TRIM49B: variants seen among roughly 807,000 people sequenced by gnomAD.
TRIM49B encodes tripartite motif containing 49B, also known as putative tripartite motif-containing protein 49B.
In TRIM49B, 18 loss-of-function variants were observed where a neutral mutation model predicts 31.8. The ratio of observed to expected loss-of-function variants is 0.57; its 90% CI spans 0.39 to 0.84. The LOEUF is 0.84. Among genes scored for constraint, TRIM49B ranks in the 40% least tolerant of loss-of-function variants. The pLI, the probability that TRIM49B is intolerant of heterozygous loss-of-function variation, is 0.00. For synonymous variants in TRIM49B, 196 were observed against 180.6 expected (o/e 1.09, Z -0.68); for missense variants, 494 against 538.7 (o/e 0.92, Z 0.82).
At chr11:49,032,059 C>T in intron 2 of TRIM49B, 49 bp downstream of exon 2, 1 of 1,611,278 alleles carries the variant, frequency 6.2e-7, no homozygotes, top group Non-Finnish European at 8.5e-7. Context: ...ACATAAAATT[C>T]CTGTGGGTCT....
At position 49,031,797 on chromosome 11, in the gene TRIM49B, C is replaced by G. The variant is rs143516229; in HGVS notation, c.198C>G (p.Thr66=). 1.2e-6 allele frequency: 2 copies of G among 1,613,958 alleles called. No individual in the cohort carries two copies. The highest frequency in any genetic ancestry group is 1.7e-6 in the Non-Finnish European group (2 of 1,179,868). Residue 66 remains threonine (T), a synonymous_variant, in exon 2 of 7, where the codon ACC becomes ACG. Transcript: ENST00000332682. ...TKSTGQINLK[T]NIHFKKMASL... ...CAACAGGGCAGATAAACCTCAAAAC[C>G]AACATTCATTTCAAGAAGATGGCTT... is the stretch of plus-strand genomic sequence containing the variant.
At chr11:49,034,053 C>G (rs1274806788) in intron 3 of TRIM49B, 93 bp from the exon 4 acceptor site, 17 of 1,602,144 alleles carry the variant, frequency 1.1e-5, no homozygotes, top group Admixed American at 1.0e-4. Flanking sequence ...GAGGTTTGAA[C>G]TATTGGACAT....
chr11:49,032,247 T>C, intron 2 of TRIM49B, 29 bp from the exon 3 acceptor site: 1 of 1,612,628 alleles, frequency 6.2e-7, no homozygotes. Context: ...TGGTCTGCAC[T>C]GGTGCTTCAA....
intron 5 of TRIM49B, among the ~76,000 whole-genome samples, chr11:49,035,384 G>C (rs1307009167): frequency 1.4e-5 from 1 of 73,512 alleles, no homozygotes; most frequent in East Asian, 3.5e-4. Flanking sequence ...TTTTGAGACG[G>C]TGTCTGGCTC....
In TRIM49B at chr11:49,031,895, C is replaced by G. The variant is rs1037791633; in HGVS notation, c.296C>G (p.Thr99Arg). 1.9e-6 allele frequency: 3 copies of G among 1,612,960 alleles called. No homozygotes were observed. Among genetic ancestry groups the G allele is most frequent in the Non-Finnish European group, 2.5e-6 (3 of 1,179,886 alleles). The change falls in exon 2 of 7, where the codon ACA becomes AGA. Residue 99 changes from threonine (T) to arginine (R), a missense_variant. Physicochemically the swap from Thr to Arg is moderately conservative, Grantham distance 71. Coordinates refer to ENST00000332682, the MANE Select transcript of TRIM49B (RefSeq NM_001206626.2). The stretch of plus-strand genomic sequence containing the variant: ...CAAATGTGTGGCACTCACAGGGAGA[C>G]AAAGAAGATGTTCTGTGAAGTGGAC... Reference protein sequence around the residue: ...EEQMCGTHRETKKMFCEVDRS... With the variant: ...EEQMCGTHRERKKMFCEVDRS...
intron 5 of TRIM49B, among the ~76,000 whole-genome samples, chr11:49,035,647 C>T (rs1026328263): frequency 2.0e-5 from 3 of 151,882 alleles, no homozygotes; most frequent in Non-Finnish European, 4.4e-5. Flanking sequence ...CGTGAACCAC[C>T]GCGCCCGGCC....
At chr11:49,034,999 A>G (rs1305986831) in intron 4 of TRIM49B, 96 bp from the exon 5 acceptor site, 4 of 1,570,030 alleles carry the variant, frequency 2.5e-6, no homozygotes, top group East Asian at 2.3e-5. Flanking sequence ...TAGGGGAATA[A>G]TATCTTCAGA....
At chr11:49,035,488 T>C (rs1425991363) in intron 5 of TRIM49B, among the ~76,000 whole-genome samples, 1 of 151,166 alleles carries the variant, frequency 6.6e-6, no homozygotes, top group Non-Finnish European at 1.5e-5. Flanking sequence ...GCCTCCCGAG[T>C]ACCGGGGACT....
intron 1 of TRIM49B, among the ~76,000 whole-genome samples, chr11:49,030,509 G>A (rs1854430855): frequency 6.6e-6 from 1 of 152,094 alleles, no homozygotes; most frequent in South Asian, 2.1e-4. Context: ...CTGGTGTCCT[G>A]AGAATACCGG....
At chr11:49,035,002 T>A in intron 4 of TRIM49B, 93 bp from the exon 5 acceptor site, 1 of 1,573,920 alleles carries the variant, frequency 6.4e-7, no homozygotes, top group African/African-American at 1.4e-5. Context: ...GGGAATAATA[T>A]CTTCAGAAAC....
chr11:49,035,601 G>A (rs1295479696), intron 5 of TRIM49B, among the ~76,000 whole-genome samples: 1 of 151,638 alleles, frequency 6.6e-6, no homozygotes, highest in Non-Finnish European at 1.5e-5. Context: ...CCCGTGATCC[G>A]CCCGCCTCAG....
chr11:49,033,651 T>G lies in TRIM49B; in HGVS notation c.508-495T>G, dbSNP rs943645137. Among the ~76,000 whole-genome samples, 13 of 152,218 alleles carry G rather than the reference T, an allele frequency of 8.5e-5. No individual in the cohort carries two copies. The East Asian group carries it at 2.5e-3, about 29-fold the overall frequency. ...AGAAAAAGAATAGAAGGAAATGAATTCAGGGAGACAAAGATGGCCAAATCA... is the reference window on the plus strand; with the variant it reads ...AGAAAAAGAATAGAAGGAAATGAATGCAGGGAGACAAAGATGGCCAAATCA... On this transcript the variant is annotated intron_variant, in intron 3 of 6. Transcript: ENST00000332682.
intron 4 of TRIM49B, 101 bp downstream of exon 4, chr11:49,034,477 G>A (rs1854494978): frequency 4.4e-6 from 7 of 1,608,524 alleles, no homozygotes; most frequent in East Asian, 2.2e-5. Context: ...TCCATGATGT[G>A]TTTCCAAAAA....
At chr11:49,032,714 A>T (rs552029726) in intron 3 of TRIM49B, among the ~76,000 whole-genome samples, 3 of 152,192 alleles carry the variant, frequency 2.0e-5, no homozygotes, top group South Asian at 2.1e-4. Flanking sequence ...GTTATTTGGC[A>T]GTCATGGAAT....
intron 4 of TRIM49B, among the ~76,000 whole-genome samples, chr11:49,034,821 T>C (rs1213620433): frequency 6.6e-6 from 1 of 152,176 alleles, no homozygotes; most frequent in Non-Finnish European, 1.5e-5. Flanking sequence ...AGGTTTTTCG[T>C]GGTTACCACA....
rs563380509 is a variant in TRIM49B, at chr11:49,031,714, T to G, written c.115T>G (p.Phe39Val). ...DCGHSFCRPC[F>V]YLNWKDSPFL... Reference sequence around the variant, plus strand: ...TGGGCACAGCTTTTGCAGGCCTTGTTTCTACCTCAACTGGAAAGACAGCCC... The same window carrying G: ...TGGGCACAGCTTTTGCAGGCCTTGTGTCTACCTCAACTGGAAAGACAGCCC... Residue 39 changes from phenylalanine to valine, a missense_variant, in exon 2 of 7, where the codon TTC (phenylalanine) becomes GTC (valine). Transcript: ENST00000332682. 6.2e-7 allele frequency: 1 copy of G among 1,613,982 alleles called. No individual in the cohort carries two copies. The highest frequency in any genetic ancestry group is 2.2e-5 in the East Asian group (1 of 44,882).
At chr11:49,035,074 T>A in intron 4 of TRIM49B, 21 bp from the exon 5 acceptor site, 1 of 1,505,102 alleles carries the variant, frequency 6.6e-7, no homozygotes, top group African/African-American at 1.8e-5. Flanking sequence ...ACTAAATCTC[T>A]CTTTTTTTTT....
intron 5 of TRIM49B, among the ~76,000 whole-genome samples, chr11:49,035,516 C>T (rs1854516046): frequency 6.6e-6 from 1 of 151,772 alleles, no homozygotes; most frequent in Non-Finnish European, 1.5e-5. Flanking sequence ...CCCGCCACCA[C>T]ACCCGGCTAA....
rs562247764 is a variant in TRIM49B at position 49,031,001 on chromosome 11, T to C, written c.-4-595T>C. Among the ~76,000 whole-genome samples, 751 of 151,664 alleles carry C rather than the reference T, an allele frequency of 5.0e-3. 7 individuals are homozygous for C. Among genetic ancestry groups the C allele is most frequent in the African/African-American group, 0.017 (721 of 41,354 alleles). ...CTTGTTTATTTGGTTGGTGGGCTTT[T>C]TTTTTTAATTTTGTTTTGATTTGGG... On this transcript the variant is annotated intron_variant, in intron 1 of 6. Coordinates refer to ENST00000332682, the MANE Select transcript of TRIM49B (RefSeq NM_001206626.2).
Sources: gnomAD v4.1 joint callset for allele counts (sites outside exome capture counted in the v4.1 genomes callset) on GRCh38, gnomAD v4.1.1 for gene constraint, MANE v1.5 for transcripts, NCBI Gene and HGNC (gene_info 2026-07-23, HGNC 2026-07-21) for gene names.